Variants in PSTPIP2 observed in about 807,000 individuals in gnomAD.
PSTPIP2 encodes proline-serine-threonine phosphatase interacting protein 2.
In PSTPIP2, 33 loss-of-function variants were observed where a neutral mutation model predicts 63.3. The observed-to-expected ratio is 0.52, with a 90% CI of 0.40 to 0.70. PSTPIP2 has a LOEUF of 0.70. Among genes scored for constraint, PSTPIP2 ranks in the 30% least tolerant of loss-of-function variants. The probability of loss-of-function intolerance (pLI) is 0.00; values close to 1 mark genes in which losing one functional copy is unlikely to be tolerated. For missense variants in PSTPIP2, 312 were observed against 400.7 expected (o/e 0.78, Z 1.89); for synonymous variants, 125 against 132.7 (o/e 0.94, Z 0.40).
At chr18:46,069,869 T>C (rs1399993470) in intron 1 of PSTPIP2, among the ~76,000 whole-genome samples, 1 of 152,150 alleles carries the variant, frequency 6.6e-6, no homozygotes, top group Admixed American at 6.5e-5. Context: ...AGAGTGCTTC[T>C]TTGTGGACTT....
intron 4 of PSTPIP2, among the ~76,000 whole-genome samples, chr18:46,013,600 T>C (rs1330140138): frequency 6.6e-6 from 1 of 151,932 alleles, no homozygotes; most frequent in Non-Finnish European, 1.5e-5. Context: ...AAAAATCTGT[T>C]GGCTGAATTC....
chr18:46,021,012 T>G (rs939699452), intron 3 of PSTPIP2, among the ~76,000 whole-genome samples: 2 of 152,234 alleles, frequency 1.3e-5, no homozygotes, highest in South Asian at 2.1e-4. Flanking sequence ...CAAAAGTTTT[T>G]GGGTATATTG....
chr18:46,023,528 C>T (rs1907453116), intron 3 of PSTPIP2, among the ~76,000 whole-genome samples: 1 of 151,738 alleles, frequency 6.6e-6, no homozygotes, highest in African/African-American at 2.4e-5. Context: ...CATTGCACTC[C>T]AGCCTGGGCA....
At chr18:46,057,997 CAAAA>C (rs71177701) in intron 1 of PSTPIP2, among the ~76,000 whole-genome samples, 8 of 100,582 alleles carry the variant, frequency 8.0e-5, no homozygotes, top group African/African-American at 1.9e-4. Context: ...GACTCCGTCT[CAAAA>C]AAAAAAAAAA....
chr18:46,003,754 G>GTTTT (rs61114152), intron 6 of PSTPIP2, among the ~76,000 whole-genome samples: 24 of 130,428 alleles, frequency 1.8e-4, no homozygotes, highest in African/African-American at 6.4e-4. Context: ...CCCTTTCAGA[G>GTTTT]TTTTTTTTTT....
At chr18:46,017,254 G>GA (rs1286644104) in intron 3 of PSTPIP2, among the ~76,000 whole-genome samples, 14 of 152,048 alleles carry the variant, frequency 9.2e-5, no homozygotes, top group African/African-American at 2.7e-4. Flanking sequence ...CATTGCTATT[G>GA]AAAAAATCAG....
intron 6 of PSTPIP2, among the ~76,000 whole-genome samples, chr18:46,002,782 C>A (rs184070111): frequency 7.9e-5 from 12 of 151,330 alleles, no homozygotes; most frequent in Admixed American, 2.0e-4. Flanking sequence ...ATTGTGAGAC[C>A]CCCCCATCTC....
chr18:46,071,211 G>C (rs115821308), intron 1 of PSTPIP2, among the ~76,000 whole-genome samples: 2,010 of 152,240 alleles, frequency 0.013, 47 homozygotes, highest in African/African-American at 0.044. Flanking sequence ...AGGCAGCTGT[G>C]AAGCTACCTG....
At chr18:45,992,406 CA>C (rs2051545652) in intron 10 of PSTPIP2, among the ~76,000 whole-genome samples, 1 of 151,570 alleles carries the variant, frequency 6.6e-6, no homozygotes, top group African/African-American at 2.4e-5. Flanking sequence ...GTTTAAAATA[CA>C]AAAAATTAGC....
chr18:46,030,551 C>T (rs997513498), intron 2 of PSTPIP2, among the ~76,000 whole-genome samples: 4 of 152,148 alleles, frequency 2.6e-5, no homozygotes, highest in Admixed American at 2.6e-4. Flanking sequence ...AATCATATTT[C>T]CCCCAGTTAT....
intron 13 of PSTPIP2, chr18:45,989,975 G>A (rs2051509181): frequency 6.6e-6 from 1 of 152,182 alleles, no homozygotes; most frequent in Non-Finnish European, 1.5e-5. Flanking sequence ...GCTAAGATGT[G>A]TACTTCTCCC....
intron 2 of PSTPIP2, among the ~76,000 whole-genome samples, chr18:46,026,946 C>G (rs1568221362): frequency 1.3e-5 from 2 of 152,248 alleles, no homozygotes; most frequent in East Asian, 3.9e-4. Flanking sequence ...TTTCTTTCTG[C>G]AGGTATACAA....
chr18:46,058,887 C>A (rs1224635859), intron 1 of PSTPIP2, among the ~76,000 whole-genome samples: 16 of 152,188 alleles, frequency 1.1e-4, no homozygotes, highest in Non-Finnish European at 4.4e-5. Flanking sequence ...ACCCTGGACA[C>A]TGCCTGGGAG....
intron 1 of PSTPIP2, among the ~76,000 whole-genome samples, chr18:46,055,722 C>A (rs939278962): frequency 5.9e-5 from 9 of 152,228 alleles, no homozygotes; most frequent in Non-Finnish European, 1.2e-4. Flanking sequence ...TCATTTCCTG[C>A]ACCTTCCCCC....
At chr18:46,049,802 C>T (rs1460304319) in intron 1 of PSTPIP2, among the ~76,000 whole-genome samples, 1 of 152,132 alleles carries the variant, frequency 6.6e-6, no homozygotes, top group Non-Finnish European at 1.5e-5. Context: ...ATCACTTGAA[C>T]CTGGGAGATG....
At chr18:45,990,514 C>T (rs1230465328) in intron 13 of PSTPIP2, among the ~76,000 whole-genome samples, 2 of 152,076 alleles carry the variant, frequency 1.3e-5, no homozygotes, top group African/African-American at 4.8e-5. Flanking sequence ...ACTGCATCCT[C>T]CACCTCCCAG....
intron 9 of PSTPIP2, among the ~76,000 whole-genome samples, chr18:45,994,367 A>G (rs1008488649): frequency 6.6e-6 from 1 of 152,216 alleles, no homozygotes; most frequent in Non-Finnish European, 1.5e-5. Flanking sequence ...AATTTTACAT[A>G]CCATAGCTTT....
intron 2 of PSTPIP2, chr18:46,029,800 T>C: frequency 6.1e-6 from 3 of 491,396 alleles, no homozygotes; most frequent in East Asian, 8.5e-5. Flanking sequence ...CAGAGGTGGA[T>C]ACTTTGCCTT....
chr18:46,034,323 A>G (rs1907890457), intron 2 of PSTPIP2, among the ~76,000 whole-genome samples: 1 of 152,210 alleles, frequency 6.6e-6, no homozygotes, highest in Non-Finnish European at 1.5e-5. Context: ...GCAGCACACA[A>G]TTAAGAGAAC....
Sources: gnomAD v4.1 joint callset for allele counts (sites outside exome capture counted in the v4.1 genomes callset) on GRCh38, gnomAD v4.1.1 for gene constraint, MANE v1.5 for transcripts, NCBI Gene and HGNC (gene_info 2026-07-23, HGNC 2026-07-21) for gene names.